The following OPCML variants were observed in gnomAD, a reference collection of about 807,000 sequenced individuals.
OPCML encodes opioid-binding protein/cell adhesion molecule.
In OPCML, 13 loss-of-function variants were observed where a neutral mutation model predicts 37.8. The ratio of observed to expected loss-of-function variants is 0.34; its 90% CI spans 0.22 to 0.55. The LOEUF (loss-of-function observed/expected upper bound fraction) is 0.55. Among genes scored for constraint, OPCML ranks in the 20% least tolerant of loss-of-function variants. The pLI is 0.91. For synonymous variants in OPCML, 176 were observed against 168.8 expected, an observed-to-expected ratio of 1.04 and a Z score of -0.33; for missense variants, 341 against 435.6, an observed-to-expected ratio of 0.78 and a Z score of 1.93.
At chr11:133,028,227 A>C (rs1469408692) in intron 1 of OPCML, among the ~76,000 whole-genome samples, 1 of 152,072 alleles carries the variant, frequency 6.6e-6, no homozygotes, top group Non-Finnish European at 1.5e-5. Context: ...ATTGTTTAAA[A>C]GGCACACATG....
intron 1 of OPCML, among the ~76,000 whole-genome samples, chr11:133,295,427 G>A (rs796172550): frequency 1.3e-5 from 2 of 152,316 alleles, no homozygotes; most frequent in African/African-American, 4.8e-5. Flanking sequence ...TTTGATACAG[G>A]AGCATAGGCA....
chr11:132,697,615 G>A (rs1188819767), intron 2 of OPCML, among the ~76,000 whole-genome samples: 1 of 152,136 alleles, frequency 6.6e-6, no homozygotes, highest in Non-Finnish European at 1.5e-5. Context: ...TATTATGGCT[G>A]AATAATATTC....
rs373752898 is a variant in OPCML, at chr11:133,117,707, TAA to T, written c.62-174699_62-174698del. 555 of 838,322 alleles carry T rather than the reference TAA, an allele frequency of 6.6e-4. 7 individuals are homozygous for T. In the African/African-American group the frequency reaches 9.7e-3, roughly 15 times the overall value. The allele number at this position is 838,322 out of a possible 1,614,324, so 51.9% of individuals were successfully genotyped here. A position where few individuals can be genotyped will look rare whatever the true frequency, so the allele number is the denominator to read the frequency against. Reference sequence around the variant, plus strand: ...ACCAGTTTGGTAATCACTCTCAAAATAAAAAAAGTATTATCAACTGTAGGAAA... The same window carrying T: ...ACCAGTTTGGTAATCACTCTCAAAATAAAAAGTATTATCAACTGTAGGAAA... On this transcript the variant is annotated intron_variant, in intron 1 of 7. Transcript: ENST00000524381.
rs552798142 is a variant in OPCML at position 132,655,478 on chromosome 11, C to T, written c.379+1609G>A. Among the ~76,000 whole-genome samples, 88 of 152,346 alleles carry T rather than the reference C, an allele frequency of 5.8e-4. 1 individual carries two copies. In the South Asian group the frequency reaches 0.018, roughly 31 times the overall value. Reference sequence around the variant, plus strand: ...TCAGATGTGACAGTTGTCTTGATCTCCAGATGGCAGGCAGTCTTGTCACTC... The same window carrying T: ...TCAGATGTGACAGTTGTCTTGATCTTCAGATGGCAGGCAGTCTTGTCACTC... On this transcript the variant is annotated intron_variant, in intron 3 of 7. Coordinates refer to ENST00000524381, the MANE Select transcript of OPCML (RefSeq NM_001012393.5).
chr11:133,024,887 G>C, intron 1 of OPCML: 1 of 985,410 alleles, frequency 1.0e-6, no homozygotes, highest in Non-Finnish European at 1.2e-6. Flanking sequence ...TTCCAAAATA[G>C]AGTGCATAAA....
rs1276944400 is a variant in OPCML, at chr11:133,484,145, TG to T, written c.61+48118del. Among the ~76,000 whole-genome samples, 722 of 147,674 alleles carry T rather than the reference TG, an allele frequency of 4.9e-3. 9 individuals are homozygous for T. The highest frequency in any genetic ancestry group is 0.017 in the African/African-American group (661 of 38,390). On this transcript the variant is annotated intron_variant, in intron 1 of 7. Coordinates refer to ENST00000524381, the MANE Select transcript of OPCML (RefSeq NM_001012393.5). The stretch of plus-strand genomic sequence containing the variant: ...AGATGATTGATAGATAGATGATAGA[TG>T]GATAGATAGATAGATAGGTAGATAG...
chr11:133,133,874 A>G (rs1208989980), intron 1 of OPCML, among the ~76,000 whole-genome samples: 1 of 152,156 alleles, frequency 6.6e-6, no homozygotes, highest in Non-Finnish European at 1.5e-5. Context: ...GGTTGCAATG[A>G]CTTTACACAT....
At chr11:132,848,552 G>A (rs933405643) in intron 2 of OPCML, among the ~76,000 whole-genome samples, 1 of 152,322 alleles carries the variant, frequency 6.6e-6, no homozygotes, top group East Asian at 1.9e-4. Flanking sequence ...GAGACATGCT[G>A]AAAGCAGTCC....
At chr11:132,527,267 C>A (rs757789521) in intron 4 of OPCML, among the ~76,000 whole-genome samples, 1 of 152,098 alleles carries the variant, frequency 6.6e-6, no homozygotes, top group East Asian at 1.9e-4. Context: ...ATTGCTGGGT[C>A]GTACGCTAAG....
intron 1 of OPCML, among the ~76,000 whole-genome samples, chr11:133,290,883 T>A (rs4937764): frequency 0.65 from 98,206 of 152,114 alleles, 33,192 homozygotes; most frequent in East Asian, 0.85. Context: ...TTTCAAGAAG[T>A]AGCCGCAGCT....
intron 2 of OPCML, among the ~76,000 whole-genome samples, chr11:132,788,964 C>T (rs543400082): frequency 3.3e-5 from 5 of 152,300 alleles, no homozygotes; most frequent in African/African-American, 1.2e-4. Flanking sequence ...ACTTAGCCTT[C>T]GTGTTCCTCT....
chr11:132,651,987 C>T (rs1433509850), intron 3 of OPCML, among the ~76,000 whole-genome samples: 2 of 152,074 alleles, frequency 1.3e-5, no homozygotes, highest in East Asian at 3.9e-4. Context: ...ATAGACGGAT[C>T]TTCTTACTCC....
chr11:132,773,737 C>A (rs567526019), intron 2 of OPCML, among the ~76,000 whole-genome samples: 1 of 152,256 alleles, frequency 6.6e-6, no homozygotes, highest in South Asian at 2.1e-4. Context: ...GTGTTCAATT[C>A]TCTTTCTGTA....
intron 1 of OPCML, among the ~76,000 whole-genome samples, chr11:133,202,839 G>A (rs571271239): frequency 6.6e-6 from 1 of 152,342 alleles, no homozygotes; most frequent in Admixed American, 6.5e-5. Context: ...GAAGGCAGCA[G>A]GTGGCCATGA....
At chr11:133,473,278 G>A (rs1852348935) in intron 1 of OPCML, among the ~76,000 whole-genome samples, 1 of 152,138 alleles carries the variant, frequency 6.6e-6, no homozygotes, top group South Asian at 2.1e-4. Flanking sequence ...GAGGCCTGAG[G>A]ATGAGGAGAT....
intron 1 of OPCML, among the ~76,000 whole-genome samples, chr11:133,068,772 A>T (rs893489055): frequency 6.6e-6 from 1 of 152,122 alleles, no homozygotes; most frequent in Admixed American, 6.5e-5. Context: ...TTGACATCTT[A>T]TTTGGTTGGG....
chr11:132,519,620 T>G (rs1245649433), intron 4 of OPCML, among the ~76,000 whole-genome samples: 1 of 152,090 alleles, frequency 6.6e-6, no homozygotes, highest in Non-Finnish European at 1.5e-5. Flanking sequence ...AAAAGCACAT[T>G]GCTAGACCTT....
chr11:133,305,747 A>T (rs1226178046), intron 1 of OPCML, among the ~76,000 whole-genome samples: 1 of 152,198 alleles, frequency 6.6e-6, no homozygotes, highest in Non-Finnish European at 1.5e-5. Context: ...CTCCTTCCGC[A>T]GGCGTTCCCT....
chr11:133,514,726 T>G (rs1948227280), intron 1 of OPCML, among the ~76,000 whole-genome samples: 1 of 152,214 alleles, frequency 6.6e-6, no homozygotes, highest in South Asian at 2.1e-4. Context: ...AACCCACTGA[T>G]TTTAAATACT....
Sources: allele counts gnomAD v4.1 joint callset (sites outside exome capture counted in the v4.1 genomes callset), GRCh38; gene constraint gnomAD v4.1.1; transcripts MANE v1.5; gene names NCBI Gene and HGNC (gene_info 2026-07-23, HGNC 2026-07-21).